ASPG: variants seen among roughly 807,000 people sequenced by gnomAD.
The protein encoded by ASPG is 60 kDa lysophospholipase.
Under a neutral mutation model 63.2 loss-of-function variants are expected in ASPG, and 53 were observed. The observed-to-expected ratio is 0.84, with a 90% CI of 0.67 to 1.05. The LOEUF (loss-of-function observed/expected upper bound fraction) is 1.05. Ranked by LOEUF, ASPG falls within the 50% of genes least tolerant of loss-of-function variation. The pLI is 0.00. For missense variants in ASPG, 741 were observed against 794.4 expected (o/e 0.93, Z 0.81); for synonymous variants, 370 against 355.0 (o/e 1.04, Z -0.48).
At chr14:104,090,671 A>T (rs1053251086) in intron 1 of ASPG, among the ~76,000 whole-genome samples, 1 of 152,194 alleles carries the variant, frequency 6.6e-6, no homozygotes, top group African/African-American at 2.4e-5. Context: ...CCCTGTCGTC[A>T]TATGGCCTTC....
Position 104,095,348 on chromosome 14 carries a change from C to T in ASPG, c.304-183C>T, listed in dbSNP as rs148348908. Among the ~76,000 whole-genome samples, 217 of 152,190 alleles carry T rather than the reference C, an allele frequency of 1.4e-3. 4 individuals carry two copies. The East Asian group carries it at 0.028, about 20-fold the overall frequency. ...CATGGAAGCCTCGGGGCAGGGAGAG[C>T]GTGGGAGTCCCAGGACTCCACGCCA... On this transcript the variant is annotated intron_variant, in intron 3 of 15. Coordinates refer to ENST00000551177, the MANE Select transcript of ASPG (RefSeq NM_001080464.3).
rs1260983270 is a variant in ASPG at position 104,109,666 on chromosome 14, G to A, written c.1520+351G>A. On this transcript the variant is annotated intron_variant, in intron 13 of 15. Transcript: ENST00000551177. This position sits in a 1 kb window ranked among gnomAD's most constrained non-coding sequence, Gnocchi z 4.8. ...GTTGTCGGGTGTGAGAGGGGCTGGGGTGTGGACTGGGGGGTGGCTGGGGCT... is the reference window on the plus strand; with the variant it reads ...GTTGTCGGGTGTGAGAGGGGCTGGGATGTGGACTGGGGGGTGGCTGGGGCT... 1.3e-5 allele frequency among the ~76,000 whole-genome samples: 2 copies of A among 148,792 alleles called. No homozygotes were observed. Among genetic ancestry groups the A allele is most frequent in the Non-Finnish European group, 3.0e-5 (2 of 67,228 alleles).
rs769404973 is a variant in ASPG at position 104,107,323 on chromosome 14, C to T, written c.1411C>T (p.Leu471=). 65 of 1,590,224 alleles carry T rather than the reference C, an allele frequency of 4.1e-5. No homozygotes were observed. Among genetic ancestry groups the T allele is most frequent in the Non-Finnish European group, 5.6e-5 (65 of 1,166,424 alleles). The change falls in exon 12 of 16, where the codon CTG becomes TTG. Residue 471 remains leucine, a synonymous_variant. Coordinates refer to ENST00000551177, the MANE Select transcript of ASPG (RefSeq NM_001080464.3). ...CCGGGACACGGATGGCTTCAGCCCG[C>T]TGCTGCTGGCCGTGCGGGGCAGGTA... ...NTRDTDGFSP[L]LLAVRGRHPG...
chr14:104,105,323 A>T lies in ASPG; in HGVS notation c.1051-5A>T. On this transcript the variant is annotated splice_region_variant and splice_polypyrimidine_tract_variant and intron_variant, in intron 9 of 15. Coordinates refer to ENST00000551177, the MANE Select transcript of ASPG (RefSeq NM_001080464.3). ...GAGCCACTTCACCTCTGTTCTCTCC[A>T]CCAGCTGCTGACCAAGGACCTTCGG... 1 of 1,612,404 alleles carries T rather than the reference A, an allele frequency of 6.2e-7. No homozygotes were observed. The highest frequency in any genetic ancestry group is 2.2e-5 in the East Asian group (1 of 44,844).
In ASPG at chr14:104,103,660, G is replaced by C; in HGVS notation, c.738G>C (p.Gly246=). ...QDVGLLRLYP[G]IPAALVRAFL... The stretch of plus-strand genomic sequence containing the variant: ...TGGGCCTGCTGCGCCTCTACCCTGG[G>C]ATCCCTGCCGCCCTGGTAGGGACCG... The change falls in exon 7 of 16, where the codon GGG becomes GGC. Residue 246 remains glycine (G), a synonymous_variant. Transcript: ENST00000551177. 1 of 1,547,846 alleles carries C rather than the reference G, an allele frequency of 6.5e-7. No homozygotes were observed. The highest frequency in any genetic ancestry group is 8.7e-7 in the Non-Finnish European group (1 of 1,146,630).
chr14:104,086,604 C>G (rs1245742336), intron 1 of ASPG, among the ~76,000 whole-genome samples: 2 of 152,106 alleles, frequency 1.3e-5, no homozygotes, highest in African/African-American at 2.4e-5. Flanking sequence ...TGCACTGGAG[C>G]CTCCAGAATG....
chr14:104,101,429 G>A (rs957086451), intron 6 of ASPG, among the ~76,000 whole-genome samples: 2 of 152,108 alleles, frequency 1.3e-5, no homozygotes, highest in Non-Finnish European at 2.9e-5. Flanking sequence ...GGAGTCATGG[G>A]CGGGCTTGGT....
intron 13 of ASPG, chr14:104,111,254 C>A (rs2037372073): frequency 6.7e-6 from 6 of 899,472 alleles, no homozygotes; most frequent in Non-Finnish European, 8.0e-6. Context: ...GCTGTGTGTG[C>A]ATGTGTGTTC....
intron 5 of ASPG, 122 bp downstream of exon 5, chr14:104,097,759 T>G (rs1011897740): frequency 6.0e-6 from 5 of 836,010 alleles, no homozygotes; most frequent in African/African-American, 5.1e-5. Context: ...CTGGGTGCAC[T>G]GTCTTCTAGA....
chr14:104,103,638 GCCTGCTGCGCCTCTA>G lies in ASPG; in HGVS notation c.719_733del (p.Leu240_Tyr244del). The stretch of plus-strand genomic sequence containing the variant: ...CACAGCAGCATGGAGCAGGACGTGG[GCCTGCTGCGCCTCTA>G]CCCTGGGATCCCTGCCGCCCTGGTA... On this transcript the variant is annotated inframe_deletion, in exon 7 of 16. Transcript: ENST00000551177. 2 of 1,548,020 alleles carry G rather than the reference GCCTGCTGCGCCTCTA, an allele frequency of 1.3e-6. No homozygotes were observed.
intron 14 of ASPG, 97 bp from the exon 15 acceptor site, chr14:104,111,823 G>A: frequency 1.6e-6 from 2 of 1,242,588 alleles, no homozygotes; most frequent in Non-Finnish European, 2.3e-6. Context: ...GTGTGTGTGG[G>A]CTGGGGACAG....
rs553439521 is a variant in ASPG, at chr14:104,094,512, C to T, written c.303+910C>T. Among the ~76,000 whole-genome samples the T allele has an allele frequency of 1.9e-3, 296 of 152,134 alleles. 1 individual carries two copies. Among genetic ancestry groups the T allele is most frequent in the African/African-American group, 6.9e-3 (287 of 41,500 alleles). ...CCATCACAACACGCTCCCATGTTAC[C>T]GGAGCTGCCTCCCCTAGTAGGGGGC... is the stretch of plus-strand genomic sequence containing the variant. On this transcript the variant is annotated intron_variant, in intron 3 of 15. Transcript: ENST00000551177.
In ASPG at chr14:104,098,853, G is replaced by A; in HGVS notation, c.514G>A (p.Val172Ile). Residue 172 changes from valine to isoleucine, a missense_variant and splice_region_variant, in exon 6 of 16, where the codon GTC (valine) becomes ATC (isoleucine). Physicochemically the swap from Val to Ile is conservative, Grantham distance 29. Transcript: ENST00000551177. ...LMAGQYVIPE[V>I]CLFFQNQLFR... ...GAACTCTGTCGCTCCGTTCCCGCAG[G>A]TCTGCCTTTTCTTCCAGAATCAGCT... 1 of 1,612,868 alleles carries A rather than the reference G, an allele frequency of 6.2e-7. No individual in the cohort carries two copies. Among genetic ancestry groups the A allele is most frequent in the Non-Finnish European group, 8.5e-7 (1 of 1,179,668 alleles).
At chr14:104,104,905 G>C in intron 9 of ASPG, 170 bp downstream of exon 9, 1 of 627,214 alleles carries the variant, frequency 1.6e-6, no homozygotes, top group Non-Finnish European at 2.7e-6. Flanking sequence ...GGCAGCTCTG[G>C]GCCCAGGCTC....
intron 6 of ASPG, among the ~76,000 whole-genome samples, chr14:104,101,942 G>GC (rs1187862514): frequency 6.6e-6 from 1 of 152,182 alleles, no homozygotes; most frequent in Admixed American, 6.5e-5. Flanking sequence ...GCTCCTCTCT[G>GC]CCCCCGGGTG....
intron 1 of ASPG, among the ~76,000 whole-genome samples, chr14:104,087,874 G>A (rs1450459299): frequency 6.6e-6 from 1 of 152,238 alleles, no homozygotes; most frequent in African/African-American, 2.4e-5. Context: ...GAGGTCCTGT[G>A]TCTGGGTGGG....
intron 3 of ASPG, among the ~76,000 whole-genome samples, chr14:104,094,285 C>G (rs2036498513): frequency 6.6e-6 from 1 of 152,040 alleles, no homozygotes. Flanking sequence ...CAGCAAGCTC[C>G]TTGTGCGTGG....
Position 104,107,274 on chromosome 14 carries a change from G to T in ASPG, c.1362G>T (p.Leu454=). 1 of 1,609,376 alleles carries T rather than the reference G, an allele frequency of 6.2e-7. No individual in the cohort carries two copies. Among genetic ancestry groups the T allele is most frequent in the Non-Finnish European group, 8.5e-7 (1 of 1,177,824 alleles). The change falls in exon 12 of 16, where the codon CTG becomes CTT. Residue 454 remains leucine, a synonymous_variant. Coordinates refer to ENST00000551177, the MANE Select transcript of ASPG (RefSeq NM_001080464.3). ...GGHTEAVTML[L]QRGVDVNTRD... ...ACACAGAGGCAGTCACCATGCTGCT[G>T]CAGAGAGGTGTGGACGTGAACACCC...
At chr14:104,092,885 A>G in intron 2 of ASPG, 144 bp downstream of exon 2, 1 of 688,484 alleles carries the variant, frequency 1.5e-6, no homozygotes, top group African/African-American at 1.8e-5. Flanking sequence ...GGGCTTTAGG[A>G]CTGACCAGCA....
Sources: allele counts gnomAD v4.1 joint callset (sites outside exome capture counted in the v4.1 genomes callset), GRCh38; gene constraint gnomAD v4.1.1; non-coding constraint Gnocchi (gnomAD v3.1); transcripts MANE v1.5; gene names NCBI Gene and HGNC (gene_info 2026-07-23, HGNC 2026-07-21).